The following CDYL variants were observed in gnomAD, a reference collection of about 807,000 sequenced individuals.
CDYL encodes chromodomain Y-like protein.
A neutral mutation model predicts 47.3 loss-of-function variants in CDYL; 8 were observed. The observed-to-expected ratio is 0.17, with a 90% CI of 0.10 to 0.31. The LOEUF is 0.31. CDYL is among the 10% of genes least tolerant of loss of function. The pLI, the probability that CDYL is intolerant of heterozygous loss-of-function variation, is 1.00. For synonymous variants in CDYL, 266 were observed against 265.0 expected, an observed-to-expected ratio of 1.00 and a Z score of -0.04; for missense variants, 471 against 701.4, an observed-to-expected ratio of 0.67 and a Z score of 3.71.
intron 1 of CDYL, among the ~76,000 whole-genome samples, chr6:4,780,885 C>T (rs565887789): frequency 1.9e-4 from 29 of 152,138 alleles, no homozygotes; most frequent in Non-Finnish European, 3.7e-4. Context: ...GTCAAGTAAC[C>T]ACCATGAGAC....
intron 2 of CDYL, among the ~76,000 whole-genome samples, chr6:4,899,162 A>G (rs536301234): frequency 6.6e-6 from 1 of 152,312 alleles, no homozygotes; most frequent in South Asian, 2.1e-4. Context: ...CCCCTTTTGT[A>G]ATCATCCCCT....
chr6:4,756,104 T>C (rs1758069517), intron 3 of CDYL, among the ~76,000 whole-genome samples: 2 of 152,194 alleles, frequency 1.3e-5, no homozygotes, highest in Admixed American at 1.3e-4. Flanking sequence ...AGGTCTCCAA[T>C]AAATCTCTGC....
chr6:4,949,778 A>G (rs922025533), intron 5 of CDYL, among the ~76,000 whole-genome samples: 1 of 152,236 alleles, frequency 6.6e-6, no homozygotes, highest in East Asian at 1.9e-4. Context: ...ATTTAATCCT[A>G]TAATACATAT....
chr6:4,952,737 C>G (rs2793264), intron 6 of CDYL, among the ~76,000 whole-genome samples: 101,867 of 151,308 alleles, frequency 0.67, 36,012 homozygotes, highest in Middle Eastern at 0.8. Flanking sequence ...AGCTTCTCCC[C>G]TGTTTCCCCA....
chr6:4,950,724 C>T (rs1196058676), intron 5 of CDYL, among the ~76,000 whole-genome samples: 2 of 151,974 alleles, frequency 1.3e-5, no homozygotes, highest in East Asian at 1.9e-4. Flanking sequence ...GTCAGGAGAT[C>T]GAGACCATCC....
rs569054478 is a variant in CDYL, at chr6:4,892,192, C to A, written c.504C>A (p.Pro168=). The change falls in exon 2 of 7, where the codon CCC becomes CCA. Residue 168 remains proline (P), a synonymous_variant. Transcript: ENST00000397588. ...GCGAGAGCCCTGAGAAACTGGACCC[C>A]GTCGAGCAGGGTCAGGAGGACACAG... ...FQSESPEKLD[P]VEQGQEDTVA... 6.2e-7 allele frequency: 1 copy of A among 1,614,178 alleles called. No individual in the cohort carries two copies. Among genetic ancestry groups the A allele is most frequent in the South Asian group, 1.1e-5 (1 of 91,078 alleles).
intron 3 of CDYL, among the ~76,000 whole-genome samples, chr6:4,743,999 G>A (rs9328276): frequency 0.53 from 81,127 of 151,976 alleles, 22,843 homozygotes; most frequent in South Asian, 0.65. Flanking sequence ...CAGGATTTAA[G>A]ATGTAGTTTC....
intron 1 of CDYL, among the ~76,000 whole-genome samples, chr6:4,777,247 C>T (rs1181424115): frequency 2.0e-5 from 3 of 152,100 alleles, no homozygotes; most frequent in Admixed American, 6.5e-5. Context: ...GGGGAGAAGA[C>T]CGGTGCAAAC....
At chr6:4,743,014 A>G (rs77776531) in intron 3 of CDYL, among the ~76,000 whole-genome samples, 109 of 152,310 alleles carry the variant, frequency 7.2e-4, no homozygotes, top group African/African-American at 2.4e-3. Flanking sequence ...GTGGGTTACT[A>G]CAGCCTAACA....
intron 2 of CDYL, among the ~76,000 whole-genome samples, chr6:4,724,245 C>T (rs1364761726): frequency 1.3e-5 from 2 of 151,802 alleles, no homozygotes; most frequent in Non-Finnish European, 2.9e-5. Flanking sequence ...GACAGGGTTT[C>T]ATTATATGTT....
intron 1 of CDYL, among the ~76,000 whole-genome samples, chr6:4,842,210 T>C (rs1397886496): frequency 1.4e-5 from 2 of 145,258 alleles, no homozygotes; most frequent in African/African-American, 2.5e-5. Flanking sequence ...TAAATAATAA[T>C]ATATAATTAT....
chr6:4,924,029 C>T (rs947926077), intron 2 of CDYL, among the ~76,000 whole-genome samples: 1 of 152,092 alleles, frequency 6.6e-6, no homozygotes, highest in African/African-American at 2.4e-5. Flanking sequence ...GCACATTGCA[C>T]TTGCCACATC....
intron 3 of CDYL, among the ~76,000 whole-genome samples, chr6:4,936,617 A>G (rs1440279145): frequency 1.3e-5 from 2 of 152,184 alleles, no homozygotes; most frequent in Non-Finnish European, 2.9e-5. Flanking sequence ...TATGCCCTAA[A>G]ATTACCAGTC....
At chr6:4,836,351 C>T (rs942357181) in intron 1 of CDYL, 1 of 712,030 alleles carries the variant, frequency 1.4e-6, no homozygotes, top group Non-Finnish European at 1.7e-6. Context: ...TTTCAGAATT[C>T]CAACCCCCTA....
intron 2 of CDYL, among the ~76,000 whole-genome samples, chr6:4,719,197 G>T (rs1224771293): frequency 6.6e-6 from 1 of 151,908 alleles, no homozygotes; most frequent in Non-Finnish European, 1.5e-5. Flanking sequence ...AGTGCTGTAA[G>T]CCACCACACC....
intron 1 of CDYL, among the ~76,000 whole-genome samples, chr6:4,825,934 G>C (rs1044753384): frequency 1.3e-5 from 2 of 151,860 alleles, no homozygotes; most frequent in African/African-American, 4.8e-5. Context: ...TGTTTCAGCT[G>C]TGAGACCACC....
At chr6:4,940,828 G>A (rs1758341717) in intron 4 of CDYL, among the ~76,000 whole-genome samples, 1 of 152,228 alleles carries the variant, frequency 6.6e-6, no homozygotes, top group Non-Finnish European at 1.5e-5. Flanking sequence ...AAGTGAGCCA[G>A]TAAACATGCC....
chr6:4,752,634 G>C (rs1758012923), intron 3 of CDYL, among the ~76,000 whole-genome samples: 1 of 152,094 alleles, frequency 6.6e-6, no homozygotes, highest in Non-Finnish European at 1.5e-5. Context: ...ATCCTGAAAG[G>C]CCAAATTGGC....
At chr6:4,795,112 T>A (rs1465467835) in intron 1 of CDYL, among the ~76,000 whole-genome samples, 3 of 152,104 alleles carry the variant, frequency 2.0e-5, no homozygotes, top group Non-Finnish European at 4.4e-5. Flanking sequence ...AAAATTTTAC[T>A]ATTAAATAAA....
Sources: allele counts gnomAD v4.1 joint callset (sites outside exome capture counted in the v4.1 genomes callset), GRCh38; gene constraint gnomAD v4.1.1; transcripts MANE v1.5; gene names NCBI Gene and HGNC (gene_info 2026-07-23, HGNC 2026-07-21).